EPB41L4B: variants seen among roughly 807,000 people sequenced by gnomAD.
EPB41L4B encodes the protein erythrocyte membrane protein band 4.1 like 4B, also known as band 4.1-like protein 4B.
In EPB41L4B, 30 loss-of-function variants were observed where a neutral mutation model predicts 112.5. The observed-to-expected ratio is 0.27, with a 90% confidence interval of 0.20 to 0.36. The LOEUF is 0.36. EPB41L4B is among the 10% of genes least tolerant of loss of function. The pLI, the probability that EPB41L4B is intolerant of heterozygous loss-of-function variation, is 1.00. For synonymous variants in EPB41L4B, 408 were observed against 439.7 expected (o/e 0.93, Z 0.90); for missense variants, 1,024 against 1,133.3 (o/e 0.90, Z 1.38).
chr9:109,210,289 T>A (rs932235944), intron 17 of EPB41L4B, among the ~76,000 whole-genome samples: 2 of 152,246 alleles, frequency 1.3e-5, no homozygotes, highest in Non-Finnish European at 2.9e-5. Flanking sequence ...AGATAATTTA[T>A]CTTGTGTTTG....
At chr9:109,202,647 T>C (rs959900155) in intron 19 of EPB41L4B, among the ~76,000 whole-genome samples, 1 of 152,164 alleles carries the variant, frequency 6.6e-6, no homozygotes, top group Admixed American at 6.5e-5. Context: ...CTCTGTGAGA[T>C]CAGGGGAGGA....
At chr9:109,227,470 C>T (rs1396785095) in intron 15 of EPB41L4B, among the ~76,000 whole-genome samples, 1 of 152,124 alleles carries the variant, frequency 6.6e-6, no homozygotes, top group Non-Finnish European at 1.5e-5. Context: ...TTTAAAATGT[C>T]CTTCAGTTAG....
intron 1 of EPB41L4B, among the ~76,000 whole-genome samples, chr9:109,303,457 C>G (rs1463343546): frequency 6.6e-6 from 1 of 152,082 alleles, no homozygotes; most frequent in African/African-American, 2.4e-5. Flanking sequence ...GCAATCCTCC[C>G]ACCTCAGCCT....
intron 15 of EPB41L4B, among the ~76,000 whole-genome samples, chr9:109,234,585 C>A (rs1158215412): frequency 1.3e-5 from 2 of 152,176 alleles, no homozygotes; most frequent in African/African-American, 4.8e-5. Context: ...AGGCAACAGG[C>A]CAGGTGCAGT....
chr9:109,247,690 C>T, intron 14 of EPB41L4B, 66 bp downstream of exon 14: 1 of 1,182,150 alleles, frequency 8.5e-7, no homozygotes, highest in Non-Finnish European at 1.1e-6. Flanking sequence ...TTACAAAAAC[C>T]TTTTTTTAAA....
In EPB41L4B at chr9:109,256,373, T is replaced by C; in HGVS notation, c.840+20A>G. On this transcript the variant is annotated intron_variant, in intron 8 of 25. Transcript: ENST00000374566. ...TCAGTAACAGCAAAACCAAATTACTTAAACGCACACAGTTCTTACCCTGAC... is the reference window on the plus strand; with the variant it reads ...TCAGTAACAGCAAAACCAAATTACTCAAACGCACACAGTTCTTACCCTGAC... The C allele has an allele frequency of 6.2e-7, 1 of 1,611,108 alleles. No homozygotes were observed. The highest frequency in any genetic ancestry group is 8.5e-7 in the Non-Finnish European group (1 of 1,178,562).
At chr9:109,238,627 T>A (rs544369948) in intron 15 of EPB41L4B, among the ~76,000 whole-genome samples, 1 of 152,216 alleles carries the variant, frequency 6.6e-6, no homozygotes, top group East Asian at 1.9e-4. Context: ...AGAGCCCATT[T>A]TAATACAAAG....
intron 6 of EPB41L4B, among the ~76,000 whole-genome samples, chr9:109,259,097 C>T (rs1453928510): frequency 6.6e-6 from 1 of 152,136 alleles, no homozygotes; most frequent in Non-Finnish European, 1.5e-5. Context: ...CCCTCTAACA[C>T]TAGGCTACAC....
intron 1 of EPB41L4B, among the ~76,000 whole-genome samples, chr9:109,290,149 T>C (rs1208181528): frequency 6.6e-6 from 1 of 152,180 alleles, no homozygotes; most frequent in Non-Finnish European, 1.5e-5. Context: ...GGAAACTAGT[T>C]CTACCACTTC....
At chr9:109,285,786 G>A (rs1048405775) in intron 1 of EPB41L4B, among the ~76,000 whole-genome samples, 2 of 151,998 alleles carry the variant, frequency 1.3e-5, no homozygotes, top group South Asian at 2.1e-4. Context: ...CACCCCACCC[G>A]GGGCAACCCC....
chr9:109,190,043 C>T (rs1343554869), intron 22 of EPB41L4B, among the ~76,000 whole-genome samples: 1 of 152,194 alleles, frequency 6.6e-6, no homozygotes, highest in Middle Eastern at 3.2e-3. Flanking sequence ...TCAAATGATT[C>T]TCTTGCCTTA....
chr9:109,215,292 T>G (rs1435212796), intron 16 of EPB41L4B, among the ~76,000 whole-genome samples: 2 of 152,160 alleles, frequency 1.3e-5, no homozygotes, highest in Non-Finnish European at 2.9e-5. Context: ...TTTTCTTTTC[T>G]TTTTTGAGAC....
In EPB41L4B at chr9:109,255,843, C is replaced by A; in HGVS notation, c.930G>T (p.Trp310Cys). ...TAAAATCCATTTTGGTAATTTTAGG[C>A]CTAGTCAGACAGAAAGCATTTTAAA... The part of the protein sequence containing the change: ...EGANKIGLFF[W>C]PKITKMDFKK... The change falls in exon 10 of 26, where the codon TGG becomes TGT. Residue 310 changes from tryptophan (W) to cysteine (C), a missense_variant and splice_region_variant. Physicochemically the swap from Trp to Cys is radical, Grantham distance 215. Transcript: ENST00000374566. 1 of 1,612,848 alleles carries A rather than the reference C, an allele frequency of 6.2e-7. No individual in the cohort carries two copies. The highest frequency in any genetic ancestry group is 8.5e-7 in the Non-Finnish European group (1 of 1,179,648).
At position 109,258,064 on chromosome 9, in the gene EPB41L4B, G is replaced by A. The variant is rs1019604129; in HGVS notation, c.752+113C>T. The A allele has an allele frequency of 2.8e-5, 33 of 1,167,394 alleles. 2 individuals carry two copies. The South Asian group carries it at 4.7e-4, about 17-fold the overall frequency. The allele number at this position is 1,167,394 out of a possible 1,614,324, so 72.3% of individuals were successfully genotyped here. A position where few individuals can be genotyped will look rare whatever the true frequency, so the allele number is the denominator to read the frequency against. On this transcript the variant is annotated intron_variant, in intron 7 of 25. Coordinates refer to ENST00000374566, the MANE Select transcript of EPB41L4B (RefSeq NM_019114.5). ...ACACAAGGAGAGAAGAGTTGGCGCT[G>A]CAGTTTTATGGCCATCAACAGAACA...
intron 15 of EPB41L4B, among the ~76,000 whole-genome samples, chr9:109,231,590 T>C (rs922447277): frequency 6.6e-6 from 1 of 152,244 alleles, no homozygotes; most frequent in African/African-American, 2.4e-5. Flanking sequence ...TCCTAAGGAC[T>C]GACAAGAGCC....
intron 15 of EPB41L4B, among the ~76,000 whole-genome samples, chr9:109,230,978 G>A (rs12554670): frequency 0.43 from 65,679 of 151,764 alleles, 14,499 homozygotes; most frequent in Admixed American, 0.53. Context: ...CAACAATCAG[G>A]ATGAAAACTC....
chr9:109,173,168 T>G lies in EPB41L4B; in HGVS notation c.*1386A>C, dbSNP rs547632158. The stretch of plus-strand genomic sequence containing the variant: ...GCAAAACCCAATACTGGCAGAGCTA[T>G]TGGTAAACAGAAATGCTTATACATT... On this transcript the variant is annotated 3_prime_UTR_variant, in exon 26 of 26. Transcript: ENST00000374566. 1 of 152,640 alleles carries G rather than the reference T, an allele frequency of 6.6e-6. No homozygotes were observed. The highest frequency in any genetic ancestry group is 1.9e-4 in the East Asian group (1 of 5,204). 9.5% of individuals were successfully genotyped at this position (152,640 alleles called of 1,614,324 possible). A position where few individuals can be genotyped will look rare whatever the true frequency, so the allele number is the denominator to read the frequency against.
intron 17 of EPB41L4B, among the ~76,000 whole-genome samples, chr9:109,211,904 T>TGGGC (rs1554746750): frequency 6.7e-6 from 1 of 148,444 alleles, no homozygotes; most frequent in Non-Finnish European, 1.5e-5. Flanking sequence ...ATAGTAGAGA[T>TGGGC]GGGGGGGGTC....
chr9:109,191,378 G>A (rs973056747), intron 22 of EPB41L4B, among the ~76,000 whole-genome samples: 9 of 152,196 alleles, frequency 5.9e-5, no homozygotes, highest in African/African-American at 1.9e-4. Context: ...AAGGACCTCA[G>A]TTGTCCCATG....
Sources: gnomAD v4.1 joint callset for allele counts (sites outside exome capture counted in the v4.1 genomes callset) on GRCh38, gnomAD v4.1.1 for gene constraint, MANE v1.5 for transcripts, NCBI Gene and HGNC (gene_info 2026-07-23, HGNC 2026-07-21) for gene names.